PLEK2: variants seen among roughly 807,000 people sequenced by gnomAD.
PLEK2 encodes the protein pleckstrin-2.
PLEK2 carries 29 observed loss-of-function variants against 43.8 expected under a neutral mutation model. The observed-to-expected ratio is 0.66, with a 90% CI of 0.49 to 0.90. The LOEUF (loss-of-function observed/expected upper bound fraction) is 0.90, where lower values mean the gene tolerates loss of function less well. Among genes scored for constraint, PLEK2 ranks in the 40% least tolerant of loss-of-function variants. The pLI is 0.00. For synonymous variants in PLEK2, 162 were observed against 173.2 expected (o/e 0.94, Z 0.51); for missense variants, 398 against 448.1 (o/e 0.89, Z 1.01).
intron 8 of PLEK2, 58 bp from the exon 9 acceptor site, chr14:67,387,514 C>T (rs1160146272): frequency 7.1e-6 from 11 of 1,553,682 alleles, no homozygotes; most frequent in Non-Finnish European, 9.6e-6. Flanking sequence ...CTGCTTTCAT[C>T]TTGAACCAGC....
chr14:67,409,828 A>G (rs2086105261), intron 1 of PLEK2, among the ~76,000 whole-genome samples: 1 of 152,158 alleles, frequency 6.6e-6, no homozygotes, highest in Admixed American at 6.5e-5. Context: ...ACAGCCTGCA[A>G]CTTCTCCAGT....
chr14:67,391,344 G>C (rs745350215), intron 6 of PLEK2, among the ~76,000 whole-genome samples: 1 of 149,880 alleles, frequency 6.7e-6, no homozygotes, highest in African/African-American at 2.5e-5. Flanking sequence ...GCTAAGGTTA[G>C]ATCACAAACC....
chr14:67,400,842 TA>T (rs2086043167), intron 1 of PLEK2, among the ~76,000 whole-genome samples: 1 of 151,658 alleles, frequency 6.6e-6, no homozygotes, highest in Admixed American at 6.6e-5. Context: ...AATTAAAAAT[TA>T]GCTGGGCATG....
intron 1 of PLEK2, among the ~76,000 whole-genome samples, chr14:67,398,915 A>T (rs1027680624): frequency 2.0e-5 from 3 of 152,174 alleles, no homozygotes; most frequent in African/African-American, 7.2e-5. Context: ...TTTCTGTAAA[A>T]CATATTTTTA....
chr14:67,406,453 G>T (rs1173644443), intron 1 of PLEK2, among the ~76,000 whole-genome samples: 2 of 152,076 alleles, frequency 1.3e-5, no homozygotes, highest in Non-Finnish European at 2.9e-5. Flanking sequence ...TCAAGGAGGG[G>T]TGAGCATAGG....
At chr14:67,393,052 G>A in intron 4 of PLEK2, 98 bp downstream of exon 4, 2 of 1,011,770 alleles carry the variant, frequency 2.0e-6, no homozygotes, top group African/African-American at 1.6e-5. Context: ...CCAGCAGGCA[G>A]CTCTGACCTC....
rs145218491 is a variant in PLEK2 at position 67,391,269 on chromosome 14, A to ATGTGTGTGTG, written c.772-524_772-523insCACACACACA. On this transcript the variant is annotated intron_variant, in intron 6 of 8. Coordinates refer to ENST00000216446, the MANE Select transcript of PLEK2 (RefSeq NM_016445.3). ...TAAAATCTAAATGTGTAAGCAGCTGATATGTGTGTGTGTGTGTGTGTGTGT... is the reference window on the plus strand; with the variant it reads ...TAAAATCTAAATGTGTAAGCAGCTGATGTGTGTGTGTATGTGTGTGTGTGTGTGTGTGTGT... Among the ~76,000 whole-genome samples, 510 of 139,622 alleles carry ATGTGTGTGTG rather than the reference A, an allele frequency of 3.7e-3. 1 individual carries two copies. Among genetic ancestry groups the ATGTGTGTGTG allele is most frequent in the African/African-American group, 0.012 (411 of 34,096 alleles). 91.6% of individuals were successfully genotyped at this position (139,622 alleles called of 152,430 possible). A position where few individuals can be genotyped will look rare whatever the true frequency, so the allele number is the denominator to read the frequency against.
At chr14:67,405,224 CAA>C (rs770594121) in intron 1 of PLEK2, among the ~76,000 whole-genome samples, 2 of 40,482 alleles carry the variant, frequency 4.9e-5, no homozygotes, top group East Asian at 6.8e-4. Flanking sequence ...GAGTCCATCT[CAA>C]AAAAAAAAAA....
intron 1 of PLEK2, among the ~76,000 whole-genome samples, chr14:67,399,791 A>G (rs2086035732): frequency 6.6e-6 from 1 of 152,262 alleles, no homozygotes; most frequent in Admixed American, 6.5e-5. Context: ...TGGTAGAGCC[A>G]ATGGGCAGAA....
At chr14:67,405,224 CAAAAAAAAAAAA>C (rs770594121) in intron 1 of PLEK2, among the ~76,000 whole-genome samples, 2 of 40,482 alleles carry the variant, frequency 4.9e-5, no homozygotes, top group South Asian at 1.6e-3. Flanking sequence ...GAGTCCATCT[CAAAAAAAAAAAA>C]AAAAAAAAAA....
chr14:67,394,573 G>A (rs1021608076), intron 3 of PLEK2, among the ~76,000 whole-genome samples: 2 of 151,978 alleles, frequency 1.3e-5, no homozygotes, highest in African/African-American at 2.4e-5. Context: ...CATAGGAGGT[G>A]TACAGTCAAG....
chr14:67,408,426 T>C (rs554046777), intron 1 of PLEK2, among the ~76,000 whole-genome samples: 1 of 152,254 alleles, frequency 6.6e-6, no homozygotes, highest in East Asian at 1.9e-4. Context: ...AAAGATACAC[T>C]GAAGTCCTAA....
intron 1 of PLEK2, among the ~76,000 whole-genome samples, chr14:67,398,676 C>CCCTTCTCTTTA (rs2086027722): frequency 6.6e-6 from 1 of 152,138 alleles, no homozygotes; most frequent in African/African-American, 2.4e-5. Flanking sequence ...ACCTAAACTA[C>CCCTTCTCTTTA]TTCCCGAGTG....
In PLEK2 at chr14:67,387,311, G is replaced by A; in HGVS notation, c.*18C>T. On this transcript the variant is annotated 3_prime_UTR_variant, in exon 9 of 9. Transcript: ENST00000216446. ...TCATCTGGTAGGAGGGAGGAATCCT[G>A]GTTCCCTCAGGTCCTTGTCATGTTA... 1 of 1,599,216 alleles carries A rather than the reference G, an allele frequency of 6.3e-7. No homozygotes were observed. The highest frequency in any genetic ancestry group is 8.5e-7 in the Non-Finnish European group (1 of 1,175,130).
At position 67,401,366 on chromosome 14, in the gene PLEK2, G is replaced by T. The variant is rs1490718825; in HGVS notation, c.43-3540C>A. Reference sequence around the variant, plus strand: ...TAAATAAACAAATAAATAAAAATTAGCCAGGCGTGGTGGCACGTGCCTGTA... The same window carrying T: ...TAAATAAACAAATAAATAAAAATTATCCAGGCGTGGTGGCACGTGCCTGTA... On this transcript the variant is annotated intron_variant, in intron 1 of 8. Coordinates refer to ENST00000216446, the MANE Select transcript of PLEK2 (RefSeq NM_016445.3). 2.0e-5 allele frequency among the ~76,000 whole-genome samples: 3 copies of T among 152,002 alleles called. No homozygotes were observed. In the East Asian group the frequency reaches 5.8e-4, roughly 29 times the overall value.
In PLEK2 at chr14:67,387,444, T is replaced by C; in HGVS notation, c.947A>G (p.Asn316Ser). The change falls in exon 9 of 9, where the codon AAT (asparagine) becomes AGT (serine). Residue 316 changes from asparagine (N) to serine (S), a missense_variant. Physicochemically the swap from Asn to Ser is conservative, Grantham distance 46. Transcript: ENST00000216446. ...DNGVPTGVKG[N>S]VQGNLFKVIT... Reference sequence around the variant, plus strand: ...CACTTTGAAGAGGTTTCCCTGGACATTCCCTTTAACCCCTAGGCAGAAAAA... The same window carrying C: ...CACTTTGAAGAGGTTTCCCTGGACACTCCCTTTAACCCCTAGGCAGAAAAA... The C allele has an allele frequency of 1.9e-6, 3 of 1,608,220 alleles. No homozygotes were observed. Among genetic ancestry groups the C allele is most frequent in the Non-Finnish European group, 2.5e-6 (3 of 1,177,772 alleles).
At chr14:67,405,062 C>T (rs536134930) in intron 1 of PLEK2, among the ~76,000 whole-genome samples, 2 of 151,066 alleles carry the variant, frequency 1.3e-5, no homozygotes, top group East Asian at 3.9e-4. Flanking sequence ...GGCGAAACCC[C>T]ATCTCTACTA....
chr14:67,405,040 C>T (rs930285139), intron 1 of PLEK2, among the ~76,000 whole-genome samples: 1 of 151,342 alleles, frequency 6.6e-6, no homozygotes, highest in Non-Finnish European at 1.5e-5. Context: ...TCAAGACCAC[C>T]GTGGCCAACA....
In PLEK2 at chr14:67,387,403, T is replaced by A; in HGVS notation, c.988A>T (p.Thr330Ser). Residue 330 changes from threonine (T) to serine (S), a missense_variant, in exon 9 of 9, where the codon ACA becomes TCA. Transcript: ENST00000216446. ...CTGCTGGCCTGAATGTAATAGTGTG[T>A]GTCATCCTTAGTAATCACTTTGAAG... ...NLFKVITKDD[T>S]HYYIQASSKA... 6.2e-7 allele frequency: 1 copy of A among 1,610,946 alleles called. No individual in the cohort carries two copies. Among genetic ancestry groups the A allele is most frequent in the Non-Finnish European group, 8.5e-7 (1 of 1,178,796 alleles).
Sources: gnomAD v4.1 joint callset for allele counts (sites outside exome capture counted in the v4.1 genomes callset) on GRCh38, gnomAD v4.1.1 for gene constraint, MANE v1.5 for transcripts, NCBI Gene and HGNC (gene_info 2026-07-23, HGNC 2026-07-21) for gene names.